ABHD18: variants seen among roughly 807,000 people sequenced by gnomAD.
ABHD18 encodes abhydrolase domain containing 18.
Under a neutral mutation model 65.9 loss-of-function variants are expected in ABHD18, and 55 were observed. The observed-to-expected ratio is 0.84, with a 90% CI of 0.67 to 1.05. The LOEUF is 1.05. Ranked by LOEUF, ABHD18 falls within the 50% of genes least tolerant of loss-of-function variation. The pLI is 0.00. For missense variants in ABHD18, 533 were observed against 558.5 expected, an observed-to-expected ratio of 0.95 and a Z score of 0.46; for synonymous variants, 181 against 180.2, an observed-to-expected ratio of 1.00 and a Z score of -0.04.
intron 4 of ABHD18, chr4:128,001,606 T>G: frequency 1.9e-6 from 2 of 1,053,746 alleles, no homozygotes; most frequent in South Asian, 4.2e-5. Context: ...AAAGATGCCT[T>G]TATTATCCCT....
chr4:127,965,994 G>A (rs1298718318), intron 1 of ABHD18: 1 of 152,336 alleles, frequency 6.6e-6, no homozygotes, highest in Non-Finnish European at 1.5e-5. Context: ...CGCCTACGGG[G>A]GCCTCAGCCT....
chr4:128,004,008 C>G (rs1753163665), intron 4 of ABHD18, among the ~76,000 whole-genome samples: 1 of 150,876 alleles, frequency 6.6e-6, no homozygotes, highest in Non-Finnish European at 1.5e-5. Context: ...TTGTAGAATT[C>G]ACTGATTTTT....
chr4:128,022,506 C>CT (rs1307917619), intron 10 of ABHD18, among the ~76,000 whole-genome samples: 1 of 152,064 alleles, frequency 6.6e-6, no homozygotes, highest in African/African-American at 2.4e-5. Context: ...CTGATTATCT[C>CT]TTTTTTTATG....
rs865980151 is a variant in ABHD18 at position 128,036,973 on chromosome 4, G to C, written c.*1160G>C. The C allele has an allele frequency of 6.6e-6, 1 of 151,952 alleles. No individual in the cohort carries two copies. Among genetic ancestry groups the C allele is most frequent in the African/African-American group, 2.4e-5 (1 of 41,318 alleles). The allele number at this position is 151,952 out of a possible 1,614,324, so 9.4% of individuals were successfully genotyped here. A position where few individuals can be genotyped will look rare whatever the true frequency, so the allele number is the denominator to read the frequency against. On this transcript the variant is annotated 3_prime_UTR_variant, in exon 13 of 13. Transcript: ENST00000645843. ...GTCTACTAAAAGTACAAAAAAATTA[G>C]CCGGGCATTGTGGCGTGTGCCTGTA... is the stretch of plus-strand genomic sequence containing the variant.
At chr4:127,976,870 T>A (rs1748020437) in intron 1 of ABHD18, among the ~76,000 whole-genome samples, 1 of 151,992 alleles carries the variant, frequency 6.6e-6, no homozygotes, top group South Asian at 2.1e-4. Flanking sequence ...TGAAACCCCG[T>A]CTCTACTAAA....
rs866345157 is a variant in ABHD18, at chr4:128,011,227, A to G, written c.443-446A>G. ...CAGTGGCACAATCTTGGCTCACTGC[A>G]GGCTCCGCCCCCCAGGGTTCACACC... On this transcript the variant is annotated intron_variant, in intron 6 of 12. Transcript: ENST00000645843. Among the ~76,000 whole-genome samples the G allele has an allele frequency of 4.0e-5, 6 of 150,074 alleles. No homozygotes were observed. In the East Asian group the frequency reaches 7.9e-4, roughly 20 times the overall value.
chr4:128,034,065 TCTC>T (rs1287981575), intron 12 of ABHD18, among the ~76,000 whole-genome samples: 2 of 150,670 alleles, frequency 1.3e-5, no homozygotes, highest in Admixed American at 6.6e-5. Context: ...TTCAAGCAAT[TCTC>T]CTGCCTCAGC....
In ABHD18 at chr4:128,008,927, T is replaced by C; in HGVS notation, c.286T>C (p.Phe96Leu). The C allele has an allele frequency of 6.2e-7, 1 of 1,603,456 alleles. No individual in the cohort carries two copies. The highest frequency in any genetic ancestry group is 8.5e-7 in the Non-Finnish European group (1 of 1,176,460). The change falls in exon 5 of 13, where the codon TTT (phenylalanine) becomes CTT (leucine). Residue 96 changes from phenylalanine to leucine, a missense_variant. Coordinates refer to ENST00000645843, the MANE Select transcript of ABHD18 (RefSeq NM_001358451.3). ...CTATGCTTTTAAAAATAGGTTCCAA[T>C]TTATTGTGCCTAAAGAATGGAACAG... ...PIESVIARFQFIVPKEWNSKY... is the reference protein window; with the variant it reads ...PIESVIARFQLIVPKEWNSKY...
At chr4:127,989,197 C>T (rs1560848136) in intron 3 of ABHD18, among the ~76,000 whole-genome samples, 1 of 152,152 alleles carries the variant, frequency 6.6e-6, no homozygotes, top group Non-Finnish European at 1.5e-5. Flanking sequence ...CATGTGTTTT[C>T]ACTCATATGT....
intron 8 of ABHD18, 117 bp from the exon 9 acceptor site, chr4:128,019,963 C>A: frequency 1.7e-6 from 1 of 575,858 alleles, no homozygotes; most frequent in Non-Finnish European, 3.0e-6. Context: ...CGAATGTTTG[C>A]AGACTTTGTG....
intron 4 of ABHD18, among the ~76,000 whole-genome samples, chr4:128,005,761 C>A (rs901038492): frequency 2.6e-5 from 4 of 152,194 alleles, no homozygotes; most frequent in Non-Finnish European, 4.4e-5. Flanking sequence ...TGTGCATTTT[C>A]TACCTCATGA....
intron 10 of ABHD18, among the ~76,000 whole-genome samples, chr4:128,022,467 C>T (rs1756658888): frequency 6.6e-6 from 1 of 152,146 alleles, no homozygotes; most frequent in African/African-American, 2.4e-5. Flanking sequence ...TGATTTCTTT[C>T]ACAAGGCTAT....
intron 1 of ABHD18, among the ~76,000 whole-genome samples, chr4:127,982,274 C>G (rs1297411557): frequency 6.6e-6 from 1 of 152,158 alleles, no homozygotes; most frequent in Non-Finnish European, 1.5e-5. Flanking sequence ...AAATCAAAAC[C>G]ATACCATTCA....
chr4:128,011,398 T>C (rs1265090700), intron 6 of ABHD18, among the ~76,000 whole-genome samples: 1 of 152,030 alleles, frequency 6.6e-6, no homozygotes, highest in Non-Finnish European at 1.5e-5. Context: ...TCCGCCCGCC[T>C]TGGCCTCCCA....
At chr4:127,983,386 T>C (rs1278388824) in intron 2 of ABHD18, among the ~76,000 whole-genome samples, 6 of 152,194 alleles carry the variant, frequency 3.9e-5, no homozygotes, top group Admixed American at 3.9e-4. Flanking sequence ...CCCGAATTTG[T>C]AATGACTCTG....
chr4:128,022,304 T>C (rs993270550), intron 10 of ABHD18, among the ~76,000 whole-genome samples: 17 of 152,218 alleles, frequency 1.1e-4, no homozygotes, highest in African/African-American at 4.1e-4. Flanking sequence ...TTCCTTATAA[T>C]TTATTTCATG....
In ABHD18 at chr4:127,965,566, A is replaced by C. The variant is rs1383007256; in HGVS notation, c.-58A>C. 3 of 247,396 alleles carry C rather than the reference A, an allele frequency of 1.2e-5. No homozygotes were observed. The highest frequency in any genetic ancestry group is 2.2e-5 in the African/African-American group (1 of 44,452). The allele number at this position is 247,396 out of a possible 1,614,324, so 15.3% of individuals were successfully genotyped here. Reference sequence around the variant, plus strand: ...GAGCCTGGAGAGCGGCGGTGCTGGGAGGCCCGGCCAGCTCGATCGCAGGCT... The same window carrying C: ...GAGCCTGGAGAGCGGCGGTGCTGGGCGGCCCGGCCAGCTCGATCGCAGGCT... On this transcript the variant is annotated 5_prime_UTR_variant, in exon 1 of 13. Transcript: ENST00000645843.
chr4:127,977,234 A>T (rs1748113637), intron 1 of ABHD18, among the ~76,000 whole-genome samples: 4 of 152,094 alleles, frequency 2.6e-5, no homozygotes, highest in Admixed American at 2.6e-4. Flanking sequence ...GCCCTTTGGG[A>T]GGCTGAGGCA....
intron 4 of ABHD18, among the ~76,000 whole-genome samples, chr4:128,002,982 A>G (rs1293837108): frequency 1.3e-5 from 2 of 152,040 alleles, no homozygotes; most frequent in African/African-American, 4.8e-5. Flanking sequence ...TTCTCTTATA[A>G]TTTATCTCTC....
Sources: gnomAD v4.1 joint callset for allele counts (sites outside exome capture counted in the v4.1 genomes callset) on GRCh38, gnomAD v4.1.1 for gene constraint, MANE v1.5 for transcripts, NCBI Gene and HGNC (gene_info 2026-07-23, HGNC 2026-07-21) for gene names.